The following UNC5C variants were observed in gnomAD, a reference collection of about 807,000 sequenced individuals.
The protein encoded by UNC5C is unc-5 netrin receptor C, also known as netrin receptor UNC5C.
A neutral mutation model predicts 99.8 loss-of-function variants in UNC5C; 47 were observed. That is an observed-to-expected ratio of 0.47 (90% CI 0.37 to 0.60). The LOEUF is 0.60. Ranked by LOEUF, UNC5C falls within the 20% of genes least tolerant of loss-of-function variation. The probability of loss-of-function intolerance (pLI) is 0.00; values close to 1 mark genes in which losing one functional copy is unlikely to be tolerated. For missense variants in UNC5C, 1,062 were observed against 1,165.9 expected (o/e 0.91, Z 1.30); for synonymous variants, 487 against 452.2 (o/e 1.08, Z -0.98).
intron 1 of UNC5C, among the ~76,000 whole-genome samples, chr4:95,373,198 A>G (rs545193449): frequency 3.3e-5 from 5 of 152,286 alleles, no homozygotes; most frequent in South Asian, 2.1e-4. Flanking sequence ...TTTTAAAAAC[A>G]TAAGTAAACA....
intron 7 of UNC5C, among the ~76,000 whole-genome samples, chr4:95,231,017 C>T (rs1738893010): frequency 6.6e-6 from 1 of 152,080 alleles, no homozygotes; most frequent in Non-Finnish European, 1.5e-5. Flanking sequence ...TCAGAAGCAA[C>T]TAATGCCAGG....
Position 95,232,663 on chromosome 4 carries a change from C to T in UNC5C, c.1108+9766G>A, listed in dbSNP as rs78395003. On this transcript the variant is annotated intron_variant, in intron 7 of 15. Coordinates refer to ENST00000453304, the MANE Select transcript of UNC5C (RefSeq NM_003728.4). ...TTGTTTTCTAACCTGTTTGGTGCTC[C>T]GTAGGTGTTCATTAGGCTTCTGTAG... Among the ~76,000 whole-genome samples the T allele has an allele frequency of 8.4e-3, 1,284 of 152,196 alleles. 21 individuals are homozygous for T. The highest frequency in any genetic ancestry group is 0.029 in the African/African-American group (1,212 of 41,526).
chr4:95,284,871 C>T (rs540513266), intron 3 of UNC5C, among the ~76,000 whole-genome samples: 1 of 152,158 alleles, frequency 6.6e-6, no homozygotes, highest in Admixed American at 6.5e-5. Context: ...TTCCCAGTGC[C>T]ATCTCTTGAG....
intron 1 of UNC5C, among the ~76,000 whole-genome samples, chr4:95,523,962 T>A (rs941272616): frequency 6.6e-6 from 1 of 152,086 alleles, no homozygotes; most frequent in Non-Finnish European, 1.5e-5. Flanking sequence ...GCCAACAAAA[T>A]GAGCAGTTGG....
chr4:95,186,556 A>G (rs552754240), intron 12 of UNC5C, among the ~76,000 whole-genome samples: 1 of 152,376 alleles, frequency 6.6e-6, no homozygotes, highest in East Asian at 1.9e-4. Context: ...GTGGTTCTTA[A>G]TATCTGTCAT....
rs187493791 is a variant in UNC5C, at chr4:95,476,867, T to G, written c.124+71867A>C. Among the ~76,000 whole-genome samples, 123 of 152,200 alleles carry G rather than the reference T, an allele frequency of 8.1e-4. 1 individual carries two copies. In the Middle Eastern group the frequency reaches 0.037, roughly 46 times the overall value. ...AGAGATTAAGTAATTCTTCAGTCAC[T>G]CATGATTTTTAGCTCAGGTCTGAAT... On this transcript the variant is annotated intron_variant, in intron 1 of 15. Coordinates refer to ENST00000453304, the MANE Select transcript of UNC5C (RefSeq NM_003728.4).
chr4:95,230,467 T>C (rs1054468868), intron 7 of UNC5C, among the ~76,000 whole-genome samples: 1 of 152,220 alleles, frequency 6.6e-6, no homozygotes, highest in Non-Finnish European at 1.5e-5. Flanking sequence ...TTTGTCAATT[T>C]TGGCTTTTGT....
At chr4:95,229,223 C>A (rs914080903) in intron 7 of UNC5C, among the ~76,000 whole-genome samples, 2 of 152,130 alleles carry the variant, frequency 1.3e-5, no homozygotes, top group African/African-American at 4.8e-5. Flanking sequence ...TGGTTTGCTG[C>A]ACCCATCAAC....
At chr4:95,380,307 A>G (rs7659804) in intron 1 of UNC5C, among the ~76,000 whole-genome samples, 112,357 of 152,120 alleles carry the variant, frequency 0.74, 42,451 homozygotes, top group East Asian at 0.95. Flanking sequence ...AGTCAAGGTG[A>G]TCAGTTTACA....
chr4:95,444,756 C>G (rs920205489), intron 1 of UNC5C, among the ~76,000 whole-genome samples: 1 of 152,176 alleles, frequency 6.6e-6, no homozygotes, highest in African/African-American at 2.4e-5. Flanking sequence ...CCTCCATTGA[C>G]TCCCTGTATT....
intron 12 of UNC5C, among the ~76,000 whole-genome samples, chr4:95,187,231 A>G (rs1316225619): frequency 6.6e-6 from 1 of 152,240 alleles, no homozygotes; most frequent in Admixed American, 6.5e-5. Flanking sequence ...AAACATAATT[A>G]GAAATCTTTG....
chr4:95,340,663 CT>C (rs111778360), intron 1 of UNC5C, among the ~76,000 whole-genome samples: 3 of 151,986 alleles, frequency 2.0e-5, no homozygotes, highest in East Asian at 3.9e-4. Flanking sequence ...TCAAAACAAA[CT>C]TTTTTTTGCT....
intron 4 of UNC5C, among the ~76,000 whole-genome samples, chr4:95,255,456 C>T (rs1739937728): frequency 6.6e-6 from 1 of 152,126 alleles, no homozygotes; most frequent in African/African-American, 2.4e-5. Context: ...CTCTCCACTA[C>T]CTCCCCTTCT....
intron 12 of UNC5C, among the ~76,000 whole-genome samples, chr4:95,200,796 T>A (rs1256074942): frequency 6.6e-6 from 1 of 152,164 alleles, no homozygotes. Context: ...GCCTTGGGCA[T>A]CTTTTATACC....
Position 95,255,814 on chromosome 4 carries a change from C to G in UNC5C, c.595-5147G>C, listed in dbSNP as rs376220379. ...CACCCGTTTCTGCCTCTACTCACCC[C>G]CCGCCCACCACCTATATTTCTCTGC... On this transcript the variant is annotated intron_variant, in intron 4 of 15. Coordinates refer to ENST00000453304, the MANE Select transcript of UNC5C (RefSeq NM_003728.4). 4.5e-4 allele frequency among the ~76,000 whole-genome samples: 68 copies of G among 152,132 alleles called. 1 individual carries two copies. The highest frequency in any genetic ancestry group is 1.6e-3 in the African/African-American group (66 of 41,524).
intron 5 of UNC5C, among the ~76,000 whole-genome samples, chr4:95,246,654 A>G (rs1739512767): frequency 6.6e-6 from 1 of 151,762 alleles, no homozygotes; most frequent in African/African-American, 2.4e-5. Flanking sequence ...ATATAATTTT[A>G]TATAATATGT....
At chr4:95,481,427 A>T (rs865953762) in intron 1 of UNC5C, among the ~76,000 whole-genome samples, 4,227 of 152,048 alleles carry the variant, frequency 0.028, 80 homozygotes, top group African/African-American at 0.062. Flanking sequence ...GAAAATGGCC[A>T]TACTGCCCAA....
At chr4:95,218,917 G>A in intron 9 of UNC5C, 52 bp downstream of exon 9, 1 of 1,510,068 alleles carries the variant, frequency 6.6e-7, no homozygotes, top group Non-Finnish European at 8.9e-7. Flanking sequence ...ATTTTGGTAT[G>A]GAAAAATATG....
intron 4 of UNC5C, among the ~76,000 whole-genome samples, chr4:95,260,349 G>A (rs985514519): frequency 6.6e-6 from 1 of 152,138 alleles, no homozygotes; most frequent in African/African-American, 2.4e-5. Flanking sequence ...ACAGCCAATT[G>A]AAACAAACAG....
Sources: gnomAD v4.1 joint callset for allele counts (sites outside exome capture counted in the v4.1 genomes callset) on GRCh38, gnomAD v4.1.1 for gene constraint, MANE v1.5 for transcripts, NCBI Gene and HGNC (gene_info 2026-07-23, HGNC 2026-07-21) for gene names.